Variants in CSMD1 observed in about 807,000 individuals in gnomAD.
The protein encoded by CSMD1 is CUB and sushi domain-containing protein 1.
CSMD1 carries 213 observed loss-of-function variants against 417.5 expected under a neutral mutation model. The observed-to-expected ratio is 0.51, with a 90% CI of 0.46 to 0.57. CSMD1 has a LOEUF of 0.57. Ranked by LOEUF, CSMD1 falls within the 20% of genes least tolerant of loss-of-function variation. The pLI, the probability that CSMD1 is intolerant of heterozygous loss-of-function variation, is 0.00. For missense variants in CSMD1, 6,923 were observed against 4,529.7 expected, an observed-to-expected ratio of 1.53 and a Z score of -15.17; for synonymous variants, 2,862 against 1,736.8, an observed-to-expected ratio of 1.65 and a Z score of -16.11.
intron 6 of CSMD1, among the ~76,000 whole-genome samples, chr8:3,732,228 C>A (rs757211159): frequency 6.6e-6 from 1 of 152,150 alleles, no homozygotes; most frequent in Non-Finnish European, 1.5e-5. Flanking sequence ...AGCAGTTTCG[C>A]CCGAGGCCAC....
chr8:4,702,910 T>C (rs1465693290), intron 1 of CSMD1, among the ~76,000 whole-genome samples: 7 of 152,212 alleles, frequency 4.6e-5, no homozygotes, highest in Non-Finnish European at 8.8e-5. Flanking sequence ...ATTTTCATCA[T>C]AGACTGTAGA....
chr8:3,521,035 A>T (rs1797486471), intron 10 of CSMD1, among the ~76,000 whole-genome samples: 2 of 151,724 alleles, frequency 1.3e-5, no homozygotes, highest in African/African-American at 4.8e-5. Flanking sequence ...TTCACCTGTC[A>T]CCCCTAGAAC....
intron 3 of CSMD1, among the ~76,000 whole-genome samples, chr8:4,138,753 C>G (rs1803593929): frequency 6.6e-6 from 1 of 152,100 alleles, no homozygotes; most frequent in East Asian, 1.9e-4. Context: ...ACTAAACCAA[C>G]TAGTTATCTT....
chr8:4,761,376 GT>G (rs1228065118), intron 1 of CSMD1, among the ~76,000 whole-genome samples: 8 of 151,164 alleles, frequency 5.3e-5, no homozygotes, highest in African/African-American at 1.7e-4. Context: ...TACTTGGTGT[GT>G]GTGTGTGTAT....
intron 3 of CSMD1, among the ~76,000 whole-genome samples, chr8:4,331,520 C>G (rs929401862): frequency 7.2e-5 from 11 of 152,044 alleles, no homozygotes; most frequent in African/African-American, 1.9e-4. Context: ...GTTGTTGTAT[C>G]CCATTCTCAT....
intron 3 of CSMD1, among the ~76,000 whole-genome samples, chr8:4,077,189 A>C (rs976060733): frequency 2.0e-5 from 3 of 151,118 alleles, no homozygotes; most frequent in Non-Finnish European, 4.4e-5. Context: ...TGGTGTAGAG[A>C]GAAGTCTCTA....
intron 5 of CSMD1, among the ~76,000 whole-genome samples, chr8:3,901,148 G>T (rs1807723047): frequency 1.3e-5 from 2 of 152,166 alleles, no homozygotes; most frequent in African/African-American, 4.8e-5. Context: ...TGATAACCGT[G>T]GAGAAATAGT....
intron 7 of CSMD1, among the ~76,000 whole-genome samples, chr8:3,659,345 C>G (rs980463618): frequency 6.6e-6 from 1 of 152,220 alleles, no homozygotes; most frequent in Non-Finnish European, 1.5e-5. Context: ...TCATTTTGCA[C>G]TTGCCAATCT....
chr8:4,492,449 A>G (rs1200289577), intron 2 of CSMD1, among the ~76,000 whole-genome samples: 1 of 152,214 alleles, frequency 6.6e-6, no homozygotes, highest in African/African-American at 2.4e-5. Context: ...TATATTTTAC[A>G]TCACAAGTAA....
intron 3 of CSMD1, among the ~76,000 whole-genome samples, chr8:4,123,957 T>TG (rs1333732108): frequency 3.9e-5 from 6 of 152,054 alleles, no homozygotes; most frequent in Admixed American, 1.3e-4. Flanking sequence ...TCAAAAAAGC[T>TG]GGAAAAAAGT....
At chr8:4,435,872 G>A (rs1798120739) in intron 2 of CSMD1, among the ~76,000 whole-genome samples, 1 of 152,192 alleles carries the variant, frequency 6.6e-6, no homozygotes, top group Admixed American at 6.5e-5. Flanking sequence ...AGGACTGTGT[G>A]ACCCTGAGAG....
chr8:2,953,896 C>T (rs1045087418), intron 65 of CSMD1, among the ~76,000 whole-genome samples: 3 of 152,238 alleles, frequency 2.0e-5, no homozygotes, highest in African/African-American at 7.2e-5. Flanking sequence ...AGTCGCAACC[C>T]TCTTTATAAG....
intron 3 of CSMD1, among the ~76,000 whole-genome samples, chr8:4,236,685 G>C (rs1406901163): frequency 1.3e-5 from 2 of 152,142 alleles, no homozygotes; most frequent in African/African-American, 4.8e-5. Context: ...AACTCTTCAA[G>C]CTTTGGTCCC....
intron 12 of CSMD1, among the ~76,000 whole-genome samples, chr8:3,449,055 G>T (rs1419909042): frequency 6.6e-6 from 1 of 152,164 alleles, no homozygotes; most frequent in South Asian, 2.1e-4. Flanking sequence ...AAATGGGAAA[G>T]GATCACATGA....
chr8:3,974,031 G>C (rs1489400820), intron 5 of CSMD1, among the ~76,000 whole-genome samples: 2 of 152,152 alleles, frequency 1.3e-5, no homozygotes, highest in African/African-American at 4.8e-5. Flanking sequence ...TTAAAATGTA[G>C]AGTGAAGTTA....
chr8:3,315,438 G>GTATGTGTGTGTT (rs72107970), intron 23 of CSMD1, among the ~76,000 whole-genome samples: 1 of 69,076 alleles, frequency 1.4e-5, no homozygotes, highest in Non-Finnish European at 2.8e-5. Flanking sequence ...GGTGAAGTGA[G>GTATGTGTGTGTT]TGTGTGTGTG....
chr8:3,295,529 C>A (rs1035846849), intron 25 of CSMD1, among the ~76,000 whole-genome samples: 3 of 152,100 alleles, frequency 2.0e-5, no homozygotes, highest in Admixed American at 2.0e-4. Flanking sequence ...TTCGTAGTTC[C>A]TTACTAAAGG....
At chr8:4,420,582 A>C (rs1285579214) in intron 2 of CSMD1, among the ~76,000 whole-genome samples, 2 of 152,156 alleles carry the variant, frequency 1.3e-5, no homozygotes, top group African/African-American at 4.8e-5. Context: ...ATGTGTGTAT[A>C]AACATTTGTG....
chr8:4,250,465 T>C (rs1802991678), intron 3 of CSMD1, among the ~76,000 whole-genome samples: 1 of 152,132 alleles, frequency 6.6e-6, no homozygotes, highest in Non-Finnish European at 1.5e-5. Context: ...GATATTTGGG[T>C]CCACGTGACT....
Sources: allele counts gnomAD v4.1 joint callset (sites outside exome capture counted in the v4.1 genomes callset), GRCh38; gene constraint gnomAD v4.1.1; transcripts MANE v1.5; gene names NCBI Gene and HGNC (gene_info 2026-07-23, HGNC 2026-07-21).